Variants in SPATA21 observed in about 807,000 individuals in gnomAD.
SPATA21 encodes spermatogenesis associated 21.
SPATA21 carries 47 observed loss-of-function variants against 54.8 expected under a neutral mutation model. That is an observed-to-expected ratio of 0.86 (90% CI 0.68 to 1.09). The LOEUF (loss-of-function observed/expected upper bound fraction) is 1.09, where lower values mean the gene tolerates loss of function less well. Among genes scored for constraint, SPATA21 ranks in the 50% least tolerant of loss-of-function variants. The probability of loss-of-function intolerance (pLI) is 0.00; values close to 1 mark genes in which losing one functional copy is unlikely to be tolerated. For synonymous variants in SPATA21, 245 were observed against 235.3 expected (o/e 1.04, Z -0.38); for missense variants, 599 against 596.4 (o/e 1.00, Z -0.05).
In SPATA21 at chr1:16,409,101, G is replaced by A. The variant is rs1215122156; in HGVS notation, c.673+17C>T. On this transcript the variant is annotated intron_variant, in intron 7 of 12. Transcript: ENST00000335496. The surrounding 1 kb of genome is among the most constrained non-coding windows in gnomAD (Gnocchi z 4.1). ...GTCCTGCCTGTGCTGGGACCTCCCT[G>A]ACCTCCCTGCCCTCACCTTCCTCTT... 6.2e-7 allele frequency: 1 copy of A among 1,613,778 alleles called. No individual in the cohort carries two copies. The highest frequency in any genetic ancestry group is 8.5e-7 in the Non-Finnish European group (1 of 1,179,744).
rs372360830 is a variant in SPATA21, at chr1:16,434,338, T to C, written c.-186-1414A>G. Among the ~76,000 whole-genome samples the C allele has an allele frequency of 2.2e-4, 34 of 151,182 alleles. 1 individual carries two copies. The highest frequency in any genetic ancestry group is 7.8e-4 in the African/African-American group (32 of 41,148). On this transcript the variant is annotated intron_variant, in intron 1 of 12. Transcript: ENST00000335496. ...TTTTGCTCTGTCACTCAGGCTGGAGTGCAGCAGTGCGATCGTAGCTTACTA... is the reference window on the plus strand; with the variant it reads ...TTTTGCTCTGTCACTCAGGCTGGAGCGCAGCAGTGCGATCGTAGCTTACTA...
intron 5 of SPATA21, among the ~76,000 whole-genome samples, chr1:16,416,350 T>C (rs1199611550): frequency 2.0e-5 from 3 of 152,134 alleles, no homozygotes; most frequent in African/African-American, 4.8e-5. Flanking sequence ...CTCTCTCATT[T>C]CTCACTTGTA....
At chr1:16,424,225 A>T (rs1393912585) in intron 3 of SPATA21, among the ~76,000 whole-genome samples, 9 of 107,318 alleles carry the variant, frequency 8.4e-5, no homozygotes, top group African/African-American at 1.5e-4. Context: ...AGGCAGGAGA[A>T]TGGCATGAAC....
chr1:16,409,228 A>G lies in SPATA21; in HGVS notation c.588-25T>C. 1 of 1,613,534 alleles carries G rather than the reference A, an allele frequency of 6.2e-7. No homozygotes were observed. Among genetic ancestry groups the G allele is most frequent in the Admixed American group, 1.7e-5 (1 of 59,982 alleles). On this transcript the variant is annotated intron_variant, in intron 6 of 12. Transcript: ENST00000335496. This position sits in a 1 kb window ranked among gnomAD's most constrained non-coding sequence, Gnocchi z 4.1. ...CCTGCAGAGGACAGAACCCCGACCC[A>G]GGGCAACATCCGGCCGCCCACCCTG...
intron 11 of SPATA21, 75 bp downstream of exon 11, chr1:16,400,645 C>A: frequency 6.6e-7 from 1 of 1,519,784 alleles, no homozygotes; most frequent in South Asian, 1.3e-5. Context: ...CCTGAGGGTC[C>A]AAGGAAAGGA....
intron 5 of SPATA21, among the ~76,000 whole-genome samples, chr1:16,413,580 T>G (rs573756479): frequency 6.6e-6 from 1 of 152,296 alleles, no homozygotes; most frequent in Non-Finnish European, 1.5e-5. Context: ...TTTAATTTTC[T>G]GAGGAACTAC....
intron 3 of SPATA21, among the ~76,000 whole-genome samples, chr1:16,430,809 G>A (rs977322509): frequency 5.9e-5 from 9 of 152,202 alleles, no homozygotes; most frequent in African/African-American, 1.7e-4. Context: ...GTTCAAGGAT[G>A]AGCATCTGAC....
rs2086377199 is a variant in SPATA21 at position 16,428,530 on chromosome 1, C to T, written c.34+2808G>A. ...TCAGCTTCCCGAGTAGGTGGGATTA[C>T]AGGTGTGCGCCACCATGCCCAACTA... On this transcript the variant is annotated intron_variant, in intron 3 of 12. Coordinates refer to ENST00000335496, the MANE Select transcript of SPATA21 (RefSeq NM_198546.1). The surrounding 1 kb of genome is among the most constrained non-coding windows in gnomAD (Gnocchi z 4.3). 6.6e-6 allele frequency among the ~76,000 whole-genome samples: 1 copy of T among 152,212 alleles called. No individual in the cohort carries two copies. Among genetic ancestry groups the T allele is most frequent in the Admixed American group, 6.5e-5 (1 of 15,276 alleles).
chr1:16,425,639 AC>A (rs747017242), intron 3 of SPATA21: 106 of 1,550,138 alleles, frequency 6.8e-5, no homozygotes, highest in Non-Finnish European at 7.7e-5. Flanking sequence ...TACTTCAGGA[AC>A]CCAGGAAGGC....
chr1:16,429,039 A>C (rs1344292514), intron 3 of SPATA21, among the ~76,000 whole-genome samples: 2 of 152,176 alleles, frequency 1.3e-5, no homozygotes, highest in African/African-American at 4.8e-5. Context: ...GTTCACCTCT[A>C]GCCTCTCTCC....
intron 5 of SPATA21, among the ~76,000 whole-genome samples, chr1:16,415,748 CG>C (rs2085986920): frequency 6.6e-6 from 1 of 151,864 alleles, no homozygotes; most frequent in South Asian, 2.1e-4. Context: ...TTAGTAGAGA[CG>C]GGGTTTCACC....
intron 10 of SPATA21, among the ~76,000 whole-genome samples, chr1:16,401,261 C>T (rs763753973): frequency 1.6e-4 from 24 of 152,306 alleles, no homozygotes; most frequent in Non-Finnish European, 3.1e-4. Flanking sequence ...GTCTGGCACA[C>T]GGAAAATGCT....
chr1:16,411,328 A>G (rs943036471), intron 5 of SPATA21, among the ~76,000 whole-genome samples: 19 of 152,110 alleles, frequency 1.2e-4, no homozygotes, highest in Non-Finnish European at 2.8e-4. Flanking sequence ...CTGGGACTAC[A>G]GGTGCTCACC....
At chr1:16,414,350 T>C (rs1167740104) in intron 5 of SPATA21, among the ~76,000 whole-genome samples, 1 of 151,900 alleles carries the variant, frequency 6.6e-6, no homozygotes, top group Non-Finnish European at 1.5e-5. Flanking sequence ...ATTACAGGCG[T>C]GAGCCACCGC....
intron 3 of SPATA21, among the ~76,000 whole-genome samples, chr1:16,429,366 A>G (rs1411378207): frequency 6.6e-6 from 1 of 151,558 alleles, no homozygotes; most frequent in East Asian, 2.0e-4. Flanking sequence ...TCCTGGGATC[A>G]AGCAATCCAC....
intron 10 of SPATA21, among the ~76,000 whole-genome samples, chr1:16,403,483 C>CTTTTT (rs1229942098): frequency 2.6e-5 from 3 of 117,118 alleles, no homozygotes; most frequent in African/African-American, 5.8e-5. Context: ...TAGTTTTTTT[C>CTTTTT]TTTTTTTTCT....
chr1:16,423,412 C>CAA (rs1161125061), intron 3 of SPATA21, among the ~76,000 whole-genome samples: 3 of 59,104 alleles, frequency 5.1e-5, no homozygotes, highest in African/African-American at 1.0e-4. Context: ...GACTCCATGT[C>CAA]AAAAAAAAAA....
In SPATA21 at chr1:16,409,195, G is replaced by A. The variant is rs758312284; in HGVS notation, c.596C>T (p.Pro199Leu). The change falls in exon 7 of 13, where the codon CCG becomes CTG. Residue 199 changes from proline (P) to leucine (L), a missense_variant. Physicochemically the swap from Pro to Leu is moderately conservative, Grantham distance 98. Coordinates refer to ENST00000335496, the MANE Select transcript of SPATA21 (RefSeq NM_198546.1). The surrounding 1 kb of genome is among the most constrained non-coding windows in gnomAD (Gnocchi z 4.1). ...TLSYAKARQEPEEQSLQKLYQ... is the reference protein window; with the variant it reads ...TLSYAKARQELEEQSLQKLYQ... ...AAGCTTTTGGAGGCTCTGCTCTTCC[G>A]GCTCCTGCCTGCAGAGGACAGAACC... is the stretch of plus-strand genomic sequence containing the variant. 8.7e-6 allele frequency: 14 copies of A among 1,614,074 alleles called. No individual in the cohort carries two copies. The highest frequency in any genetic ancestry group is 6.7e-5 in the East Asian group (3 of 44,860).
chr1:16,405,194 T>C (rs2085593120), intron 7 of SPATA21, 90 bp from the exon 8 acceptor site: 5 of 1,513,814 alleles, frequency 3.3e-6, no homozygotes, highest in Admixed American at 2.4e-5. Flanking sequence ...GCCAGCCTCC[T>C]CCACCATCAA....
Sources: allele counts gnomAD v4.1 joint callset (sites outside exome capture counted in the v4.1 genomes callset), GRCh38; gene constraint gnomAD v4.1.1; non-coding constraint Gnocchi (gnomAD v3.1); transcripts MANE v1.5; gene names NCBI Gene and HGNC (gene_info 2026-07-23, HGNC 2026-07-21).